The following TMPO variants were observed in gnomAD, a reference collection of about 807,000 sequenced individuals.
TMPO encodes the protein thymopoietin.
TMPO carries 22 observed loss-of-function variants against 45.4 expected under a neutral mutation model. The observed-to-expected ratio is 0.48, with a 90% CI of 0.35 to 0.69. The LOEUF (loss-of-function observed/expected upper bound fraction) is 0.69. Ranked by LOEUF, TMPO falls within the 30% of genes least tolerant of loss-of-function variation. The probability of loss-of-function intolerance (pLI) is 0.01; values close to 1 mark genes in which losing one functional copy is unlikely to be tolerated. For synonymous variants in TMPO, 241 were observed against 204.1 expected (o/e 1.18, Z -1.54); for missense variants, 512 against 548.8 (o/e 0.93, Z 0.67).
intron 1 of TMPO, among the ~76,000 whole-genome samples, chr12:98,524,842 C>T (rs1011821541): frequency 3.3e-5 from 5 of 152,178 alleles, no homozygotes; most frequent in African/African-American, 9.6e-5. Context: ...GATCCACCCA[C>T]CTTGGTCTCC....
In TMPO at chr12:98,540,605, C is replaced by T. The variant is rs903338293; in HGVS notation, c.663+3033C>T. 1.6e-4 allele frequency among the ~76,000 whole-genome samples: 25 copies of T among 152,204 alleles called. No homozygotes were observed. The East Asian group carries it at 2.9e-3, about 18-fold the overall frequency. On this transcript the variant is annotated intron_variant, in intron 4 of 8. Transcript: ENST00000556029. Reference sequence around the variant, plus strand: ...GTTGGTCAGGCAGGTCTCGAACTCCCGACCTCAGGTGATCCACCCGCCTCA... The same window carrying T: ...GTTGGTCAGGCAGGTCTCGAACTCCTGACCTCAGGTGATCCACCCGCCTCA...
chr12:98,520,272 C>CCCTCCCTTCCTTCCTT (rs1555202281), intron 1 of TMPO, among the ~76,000 whole-genome samples: 2 of 107,206 alleles, frequency 1.9e-5, no homozygotes, highest in Non-Finnish European at 3.8e-5. Context: ...CCATATTTTT[C>CCCTCCCTTCCTTCCTT]CCTTCCTTCC....
intron 3 of TMPO, chr12:98,532,724 CT>C: frequency 6.3e-7 from 1 of 1,575,064 alleles, no homozygotes; most frequent in East Asian, 2.2e-5. Flanking sequence ...AAATTATAGT[CT>C]TTTCCTTTGA....
At position 98,541,759 on chromosome 12, in the gene TMPO, T is replaced by A. The variant is rs562482463; in HGVS notation, c.664-2471T>A. Among the ~76,000 whole-genome samples, 9 of 152,312 alleles carry A rather than the reference T, an allele frequency of 5.9e-5. No homozygotes were observed. In the East Asian group the frequency reaches 1.7e-3, roughly 29 times the overall value. On this transcript the variant is annotated intron_variant, in intron 4 of 8. Coordinates refer to ENST00000556029, the MANE Select transcript of TMPO (RefSeq NM_001032283.3). ...TAGGCAAAATAAGGTAGAGTCAGAA[T>A]TTTGGCTTCTGTCCTTTTCCCTTCC...
At chr12:98,518,004 GA>G (rs888386164) in intron 1 of TMPO, among the ~76,000 whole-genome samples, 3 of 151,786 alleles carry the variant, frequency 2.0e-5, no homozygotes, top group African/African-American at 7.3e-5. Flanking sequence ...TTCTACTAAA[GA>G]AAAAAAATAC....
chr12:98,515,653 G>A lies in TMPO; in HGVS notation c.-215G>A, dbSNP rs748364263. ...TGGGGTTGGTGCGAGCTTCCAGCTT[G>A]GCCGCAGTTGGTTCGTAGTTCGGCT... is the stretch of plus-strand genomic sequence containing the variant. On this transcript the variant is annotated 5_prime_UTR_variant, in exon 1 of 9. Coordinates refer to ENST00000556029, the MANE Select transcript of TMPO (RefSeq NM_001032283.3). 4.3e-6 allele frequency: 4 copies of A among 935,362 alleles called. No individual in the cohort carries two copies. Among genetic ancestry groups the A allele is most frequent in the Non-Finnish European group, 4.7e-6 (3 of 636,706 alleles). 57.9% of individuals were successfully genotyped at this position (935,362 alleles called of 1,614,324 possible).
In TMPO at chr12:98,533,030, C is replaced by G. The variant is rs1173315740; in HGVS notation, c.565+1192C>G. 2 of 1,613,406 alleles carry G rather than the reference C, an allele frequency of 1.2e-6. No individual in the cohort carries two copies. The highest frequency in any genetic ancestry group is 2.7e-5 in the African/African-American group (2 of 74,860). ...GACCTACCTAGGGAGCCTCTTGTTG[C>G]CACAAACTTGCCTGGCAGGGGACAG... On this transcript the variant is annotated intron_variant, in intron 3 of 8. Coordinates refer to ENST00000556029, the MANE Select transcript of TMPO (RefSeq NM_001032283.3).
At chr12:98,540,053 G>A (rs1877819877) in intron 4 of TMPO, among the ~76,000 whole-genome samples, 1 of 152,088 alleles carries the variant, frequency 6.6e-6, no homozygotes, top group Non-Finnish European at 1.5e-5. Context: ...TTTGATTTTT[G>A]GTTGTTTTAC....
At chr12:98,523,576 A>T (rs1876543667) in intron 1 of TMPO, among the ~76,000 whole-genome samples, 1 of 151,914 alleles carries the variant, frequency 6.6e-6, no homozygotes, top group South Asian at 2.1e-4. Flanking sequence ...GTTTTAATTT[A>T]TCTGACTTAC....
intron 3 of TMPO, chr12:98,533,278 T>C: frequency 1.2e-6 from 2 of 1,614,036 alleles, no homozygotes; most frequent in Non-Finnish European, 8.5e-7. Context: ...TCAACCATTA[T>C]GTCCTGAGAG....
In TMPO at chr12:98,540,415, T is replaced by C. The variant is rs1203376505; in HGVS notation, c.663+2843T>C. Among the ~76,000 whole-genome samples the C allele has an allele frequency of 3.3e-5, 5 of 152,200 alleles. No homozygotes were observed. The East Asian group carries it at 7.7e-4, about 23-fold the overall frequency. On this transcript the variant is annotated intron_variant, in intron 4 of 8. Transcript: ENST00000556029. ...TGTTTGTTTGTTTTTTGAGATGGAG[T>C]TTCATTCTTTTTGCCAAGGTTGGTG...
chr12:98,546,885 CT>C (rs1169995964), intron 8 of TMPO, among the ~76,000 whole-genome samples: 6 of 152,054 alleles, frequency 3.9e-5, no homozygotes, highest in African/African-American at 1.2e-4. Flanking sequence ...TTTTTCCCCC[CT>C]AAGTTTCTCT....
Position 98,534,066 on chromosome 12 carries a change from T to C in TMPO, c.565+2228T>C, listed in dbSNP as rs758204755. 3 of 1,609,462 alleles carry C rather than the reference T, an allele frequency of 1.9e-6. No homozygotes were observed. The highest frequency in any genetic ancestry group is 2.7e-5 in the African/African-American group (2 of 74,870). On this transcript the variant is annotated intron_variant, in intron 3 of 8. Transcript: ENST00000556029. ...CAGACATTAGTCAAGCTGCACAGATTCTTAGCTCAGATCCTAGTCGTACCC... is the reference window on the plus strand; with the variant it reads ...CAGACATTAGTCAAGCTGCACAGATCCTTAGCTCAGATCCTAGTCGTACCC...
At chr12:98,516,973 C>G (rs1007937649) in intron 1 of TMPO, among the ~76,000 whole-genome samples, 1 of 152,156 alleles carries the variant, frequency 6.6e-6, no homozygotes, top group Non-Finnish European at 1.5e-5. Flanking sequence ...CCACGCCCGG[C>G]TGATTTGTGT....
In TMPO at chr12:98,534,259, C is replaced by T. The variant is rs2121211142; in HGVS notation, c.565+2421C>T. 1 of 1,613,686 alleles carries T rather than the reference C, an allele frequency of 6.2e-7. No individual in the cohort carries two copies. Among genetic ancestry groups the T allele is most frequent in the Non-Finnish European group, 8.5e-7 (1 of 1,179,900 alleles). On this transcript the variant is annotated intron_variant, in intron 3 of 8. Transcript: ENST00000556029. ...AATTAATTTAGCTTCTAAGAATAAG[C>T]TGGCTTCCACTCCCTTTAAAGGTGG...
At chr12:98,516,661 G>C (rs73382574) in intron 1 of TMPO, 2 of 568,978 alleles carry the variant, frequency 3.5e-6, no homozygotes, top group Middle Eastern at 8.8e-4. Flanking sequence ...ATACTTTTGC[G>C]TGTGGAGGGC....
intron 1 of TMPO, chr12:98,516,531 GT>G (rs1257151960): frequency 9.6e-7 from 1 of 1,041,034 alleles, no homozygotes; most frequent in East Asian, 7.6e-5. Flanking sequence ...AAGTTCGAGC[GT>G]TTTCCCGCTT....
rs1486719861 is a variant in TMPO at position 98,548,070 on chromosome 12, T to A, written c.*212T>A. On this transcript the variant is annotated 3_prime_UTR_variant, in exon 9 of 9. Transcript: ENST00000556029. ...ACTAGTAGGAGATCACTTTGTGCCATATGAATAATCTTTTTTAGCTCTGGA... is the reference window on the plus strand; with the variant it reads ...ACTAGTAGGAGATCACTTTGTGCCAAATGAATAATCTTTTTTAGCTCTGGA... The A allele has an allele frequency of 2.0e-6, 1 of 507,446 alleles. No individual in the cohort carries two copies. Among genetic ancestry groups the A allele is most frequent in the Non-Finnish European group, 3.4e-6 (1 of 298,462 alleles). 31.4% of individuals were successfully genotyped at this position (507,446 alleles called of 1,614,324 possible).
intron 7 of TMPO, 23 bp from the exon 8 acceptor site, chr12:98,546,336 T>G (rs770116475): frequency 6.6e-6 from 10 of 1,514,416 alleles, no homozygotes; most frequent in South Asian, 3.4e-5. Context: ...CTTGTGGTTG[T>G]TTGTTTGTCT....
Sources: allele counts gnomAD v4.1 joint callset (sites outside exome capture counted in the v4.1 genomes callset), GRCh38; gene constraint gnomAD v4.1.1; transcripts MANE v1.5; gene names NCBI Gene and HGNC (gene_info 2026-07-23, HGNC 2026-07-21).